MYO10: variants seen among roughly 807,000 people sequenced by gnomAD.
MYO10 encodes unconventional myosin-X.
A neutral mutation model predicts 257.3 loss-of-function variants in MYO10; 133 were observed. The observed-to-expected ratio is 0.52, with a 90% confidence interval of 0.45 to 0.60. MYO10 has a LOEUF of 0.60. Ranked by LOEUF, MYO10 falls within the 20% of genes least tolerant of loss-of-function variation. The pLI is 0.00. For missense variants in MYO10, 2,399 were observed against 2,635.7 expected, an observed-to-expected ratio of 0.91 and a Z score of 1.97; for synonymous variants, 1,104 against 1,028.6, an observed-to-expected ratio of 1.07 and a Z score of -1.40.
intron 1 of MYO10, among the ~76,000 whole-genome samples, 189 bp from the exon 2 acceptor site, chr5:16,877,896 T>C (rs1374318964): frequency 6.6e-6 from 1 of 152,180 alleles, no homozygotes; most frequent in Non-Finnish European, 1.5e-5. Context: ...CAAGTGTGAC[T>C]GAGAGTCCCA....
At position 16,666,772 on chromosome 5, in the gene MYO10, T is replaced by A; in HGVS notation, c.6097A>T (p.Met2033Leu). 6.2e-7 allele frequency: 1 copy of A among 1,605,690 alleles called. No homozygotes were observed. The highest frequency in any genetic ancestry group is 1.3e-5 in the African/African-American group (1 of 74,996). Residue 2033 changes from methionine (M) to leucine (L), a missense_variant, in exon 41 of 41, where the codon ATG (methionine) becomes TTG (leucine). Coordinates refer to ENST00000513610, the MANE Select transcript of MYO10 (RefSeq NM_012334.3). The stretch of plus-strand genomic sequence containing the variant: ...ACGATCATGCTGATGTAGGCTTTCA[T>A]GAGCTTGGCCACATCCACCACCTGC... ...TSEVVDVAKL[M>L]KAYISMIVKK...
At chr5:16,855,140 C>G (rs897089692) in intron 2 of MYO10, among the ~76,000 whole-genome samples, 3 of 152,162 alleles carry the variant, frequency 2.0e-5, no homozygotes, top group African/African-American at 7.2e-5. Context: ...GCTTTAGCTG[C>G]TTTTCCTCTT....
rs1741331636 is a variant in MYO10 at position 16,779,367 on chromosome 5, G to C, written c.930+178C>G. On this transcript the variant is annotated intron_variant, in intron 9 of 40. Transcript: ENST00000513610. ...GAGTCCTCAAACCCCTTTCAGCCTA[G>C]AACTTGGAACAAGTTCATGACTTGG... Among the ~76,000 whole-genome samples, 3 of 151,944 alleles carry C rather than the reference G, an allele frequency of 2.0e-5. No homozygotes were observed. In the South Asian group the frequency reaches 6.2e-4, roughly 32 times the overall value.
At chr5:16,901,151 C>T (rs1286220707) in intron 1 of MYO10, among the ~76,000 whole-genome samples, 2 of 152,116 alleles carry the variant, frequency 1.3e-5, no homozygotes, top group Non-Finnish European at 2.9e-5. Flanking sequence ...CGAGACTCTT[C>T]TCAGCTCTCA....
Position 16,676,165 on chromosome 5 carries a change from A to AG in MYO10, c.4543-12dup, listed in dbSNP as rs1410966191. 1 of 1,610,664 alleles carries AG rather than the reference A, an allele frequency of 6.2e-7. No individual in the cohort carries two copies. Among genetic ancestry groups the AG allele is most frequent in the Non-Finnish European group, 8.5e-7 (1 of 1,179,148 alleles). On this transcript the variant is annotated splice_polypyrimidine_tract_variant and intron_variant, in intron 33 of 40. Coordinates refer to ENST00000513610, the MANE Select transcript of MYO10 (RefSeq NM_012334.3). ...GTTCAGGCAGTTCTCCTAAAAATAA[A>AG]GCAAGCAAGCTTATTGTAAGAAACC...
At chr5:16,793,767 T>C (rs11740432) in intron 4 of MYO10, among the ~76,000 whole-genome samples, 22,468 of 151,896 alleles carry the variant, frequency 0.15, 1,956 homozygotes, top group South Asian at 0.28. Context: ...CCGTCTCTAC[T>C]AAAAATGCAA....
intron 1 of MYO10, among the ~76,000 whole-genome samples, chr5:16,891,621 A>G (rs1028856488): frequency 6.6e-6 from 1 of 152,206 alleles, no homozygotes; most frequent in Non-Finnish European, 1.5e-5. Context: ...GGTGAATGTC[A>G]TGATGTGTGA....
chr5:16,720,619 C>T (rs184214671), intron 19 of MYO10, among the ~76,000 whole-genome samples: 2 of 152,122 alleles, frequency 1.3e-5, no homozygotes, highest in Non-Finnish European at 2.9e-5. Context: ...CCACCACACC[C>T]GGCTAATTTT....
intron 2 of MYO10, among the ~76,000 whole-genome samples, chr5:16,844,883 G>A (rs1743582704): frequency 6.6e-6 from 1 of 151,712 alleles, no homozygotes; most frequent in South Asian, 2.1e-4. Flanking sequence ...TACATTGCCA[G>A]TAAAATTTGT....
intron 19 of MYO10, among the ~76,000 whole-genome samples, chr5:16,739,643 C>T (rs968452560): frequency 1.5e-4 from 23 of 151,724 alleles, no homozygotes; most frequent in African/African-American, 5.3e-4. Flanking sequence ...GAAAGTATAG[C>T]CACTGACAGA....
rs574078042 is a variant in MYO10, at chr5:16,830,015, G to A, written c.121-11848C>T. On this transcript the variant is annotated intron_variant, in intron 2 of 40. Transcript: ENST00000513610. The stretch of plus-strand genomic sequence containing the variant: ...AGCACTTTGAGAGGCCGAGGCAGGC[G>A]GACCACGTGAGGTGAGGAGTTCGGG... Among the ~76,000 whole-genome samples, 359 of 152,158 alleles carry A rather than the reference G, an allele frequency of 2.4e-3. 6 individuals are homozygous for A. Among genetic ancestry groups the A allele is most frequent in the African/African-American group, 7.9e-3 (329 of 41,512 alleles).
At chr5:16,715,875 G>A (rs1738848864) in intron 19 of MYO10, among the ~76,000 whole-genome samples, 2 of 152,176 alleles carry the variant, frequency 1.3e-5, no homozygotes, top group East Asian at 3.9e-4. Flanking sequence ...GACCAATATG[G>A]TGAAACCTTG....
At chr5:16,822,610 C>G (rs1020399003) in intron 2 of MYO10, among the ~76,000 whole-genome samples, 1 of 151,826 alleles carries the variant, frequency 6.6e-6, no homozygotes, top group East Asian at 1.9e-4. Flanking sequence ...GCCCTGCGTT[C>G]TAGTATCTTA....
intron 4 of MYO10, 63 bp downstream of exon 4, chr5:16,794,583 T>G: frequency 1.4e-6 from 2 of 1,454,206 alleles, no homozygotes; most frequent in Non-Finnish European, 1.8e-6. Context: ...GAGGCTGGGG[T>G]TGGGGGTGCG....
chr5:16,707,627 A>G (rs1379423396), intron 21 of MYO10, among the ~76,000 whole-genome samples: 2 of 152,200 alleles, frequency 1.3e-5, no homozygotes, highest in African/African-American at 2.4e-5. Flanking sequence ...TCAGAAAAGT[A>G]AAAGTCTTGA....
intron 29 of MYO10, among the ~76,000 whole-genome samples, chr5:16,684,883 C>T (rs1313589215): frequency 6.6e-6 from 1 of 151,982 alleles, no homozygotes; most frequent in African/African-American, 2.4e-5. Flanking sequence ...CCTGTTTCTA[C>T]TAAAATACAA....
intron 19 of MYO10, among the ~76,000 whole-genome samples, chr5:16,739,720 T>G (rs1358833553): frequency 1.3e-5 from 2 of 151,410 alleles, no homozygotes; most frequent in Non-Finnish European, 2.9e-5. Context: ...AAAAAGTAGG[T>G]TACAAAATTA....
At chr5:16,764,179 C>T in intron 12 of MYO10, 71 bp downstream of exon 12, 2 of 1,518,754 alleles carry the variant, frequency 1.3e-6, no homozygotes, top group South Asian at 2.5e-5. Context: ...AGTTTGCTCA[C>T]AGAGATTTGT....
intron 19 of MYO10, among the ~76,000 whole-genome samples, chr5:16,740,105 C>T (rs2126630120): frequency 6.6e-6 from 1 of 152,236 alleles, no homozygotes; most frequent in Admixed American, 6.5e-5. Context: ...AGGGGAGTTT[C>T]AGACCCTGAT....
Sources: gnomAD v4.1 joint callset for allele counts (sites outside exome capture counted in the v4.1 genomes callset) on GRCh38, gnomAD v4.1.1 for gene constraint, MANE v1.5 for transcripts, NCBI Gene and HGNC (gene_info 2026-07-23, HGNC 2026-07-21) for gene names.